PLEKHG1: variants seen among roughly 807,000 people sequenced by gnomAD.
PLEKHG1 encodes the protein pleckstrin homology and RhoGEF domain containing G1.
A neutral mutation model predicts 100.8 loss-of-function variants in PLEKHG1; 44 were observed. That is an observed-to-expected ratio of 0.44 (90% confidence interval 0.34 to 0.56). The LOEUF (loss-of-function observed/expected upper bound fraction) is 0.56. Among genes scored for constraint, PLEKHG1 ranks in the 20% least tolerant of loss-of-function variants. The pLI, the probability that PLEKHG1 is intolerant of heterozygous loss-of-function variation, is 0.01. For synonymous variants in PLEKHG1, 640 were observed against 662.5 expected (o/e 0.97, Z 0.52); for missense variants, 1,545 against 1,720.9 (o/e 0.90, Z 1.81).
chr6:150,713,474 C>T (rs746592225), intron 3 of PLEKHG1, among the ~76,000 whole-genome samples: 1 of 152,076 alleles, frequency 6.6e-6, no homozygotes, highest in Non-Finnish European at 1.5e-5. Flanking sequence ...ATATGGGCTC[C>T]CCTGAGATAA....
At chr6:150,670,424 G>A (rs1387543693) in intron 3 of PLEKHG1, among the ~76,000 whole-genome samples, 1 of 152,216 alleles carries the variant, frequency 6.6e-6, no homozygotes, top group East Asian at 1.9e-4. Context: ...GAGATGGAAG[G>A]CTAACCCAGA....
chr6:150,670,490 T>C (rs1371655633), intron 3 of PLEKHG1, among the ~76,000 whole-genome samples: 1 of 152,246 alleles, frequency 6.6e-6, no homozygotes, highest in Non-Finnish European at 1.5e-5. Context: ...AGCCGCAGCA[T>C]GCGCTACCAG....
Position 150,782,661 on chromosome 6 carries a change from G to C in PLEKHG1, c.513-3729G>C, listed in dbSNP as rs1340194929. On this transcript the variant is annotated intron_variant, in intron 3 of 15. Transcript: ENST00000358517. ...ACAGATAGAATGCAGAAGCAGATAG[G>C]ACAATCCAGCTATGTTCTATTAAGT... Among the ~76,000 whole-genome samples, 6 of 152,238 alleles carry C rather than the reference G, an allele frequency of 3.9e-5. No homozygotes were observed. In the East Asian group the frequency reaches 1.2e-3, roughly 29 times the overall value.
chr6:150,658,821 C>A (rs1045766054), intron 3 of PLEKHG1, among the ~76,000 whole-genome samples: 3 of 152,232 alleles, frequency 2.0e-5, no homozygotes, highest in Non-Finnish European at 4.4e-5. Flanking sequence ...CCAGCTGTCT[C>A]ATCTCTGCTT....
intron 3 of PLEKHG1, among the ~76,000 whole-genome samples, chr6:150,779,357 T>TTATTTTTTTTA (rs1785181040): frequency 6.8e-6 from 1 of 147,186 alleles, no homozygotes; most frequent in African/African-American, 2.6e-5. Flanking sequence ...TTTTTTTTTT[T>TTATTTTTTTTA]TTTTTTGAGA....
chr6:150,807,712 A>G (rs1213043846), intron 7 of PLEKHG1, among the ~76,000 whole-genome samples: 2 of 152,280 alleles, frequency 1.3e-5, no homozygotes, highest in East Asian at 1.9e-4. Flanking sequence ...CGGGGCTCAC[A>G]CCTATAATCC....
intron 12 of PLEKHG1, among the ~76,000 whole-genome samples, chr6:150,820,511 G>A (rs1255172640): frequency 6.6e-6 from 1 of 152,170 alleles, no homozygotes; most frequent in Non-Finnish European, 1.5e-5. Context: ...GACTAGGAAT[G>A]CAAGGATAAA....
chr6:150,750,780 C>CAAAAAAAAA (rs1158670858), intron 2 of PLEKHG1, among the ~76,000 whole-genome samples: 1 of 37,402 alleles, frequency 2.7e-5, no homozygotes, highest in African/African-American at 1.0e-4. Flanking sequence ...GACTCCATCT[C>CAAAAAAAAA]AAAAAAAAAA....
chr6:150,826,494 A>G (rs1776618679), intron 14 of PLEKHG1, among the ~76,000 whole-genome samples: 1 of 152,184 alleles, frequency 6.6e-6, no homozygotes, highest in Admixed American at 6.5e-5. Context: ...TCATTGTTAA[A>G]TAGCTCAAAT....
At chr6:150,710,490 C>T (rs766933599) in intron 3 of PLEKHG1, among the ~76,000 whole-genome samples, 5 of 152,058 alleles carry the variant, frequency 3.3e-5, no homozygotes, top group East Asian at 3.9e-4. Context: ...TCATGGTTAC[C>T]GCCCAAGCAG....
intron 1 of PLEKHG1, among the ~76,000 whole-genome samples, chr6:150,625,470 G>A (rs1777470475): frequency 6.6e-6 from 1 of 151,928 alleles, no homozygotes; most frequent in Non-Finnish European, 1.5e-5. Context: ...TCATCCTAAG[G>A]ACCTCATTTT....
At chr6:150,765,700 C>A (rs1424459805) in intron 2 of PLEKHG1, among the ~76,000 whole-genome samples, 2 of 152,058 alleles carry the variant, frequency 1.3e-5, no homozygotes, top group African/African-American at 2.4e-5. Context: ...TGGTGAGGGG[C>A]AAGTGTGTGT....
In PLEKHG1 at chr6:150,831,703, C is replaced by T. The variant is rs763906152; in HGVS notation, c.2592C>T (p.Ser864=). 1.2e-6 allele frequency: 2 copies of T among 1,612,968 alleles called. No individual in the cohort carries two copies. The highest frequency in any genetic ancestry group is 1.7e-6 in the Non-Finnish European group (2 of 1,180,040). ...GTCTCCTGGCAGCGTTTCCTGTGAG[C>T]AAGGATGATGTGCCAGACAGGCTGC... The change falls in exon 15 of 16, where the codon AGC becomes AGT. Residue 864 remains serine (S), a synonymous_variant. Transcript: ENST00000358517. The surrounding 1 kb of genome is among the most constrained non-coding windows in gnomAD (Gnocchi z 4.1).
intron 10 of PLEKHG1, among the ~76,000 whole-genome samples, chr6:150,817,584 G>A (rs1776048367): frequency 7.2e-6 from 1 of 139,162 alleles, no homozygotes; most frequent in Non-Finnish European, 1.5e-5. Context: ...TTGAGACGGA[G>A]TCTTGCTCTG....
At chr6:150,701,859 T>A (rs1401264225) in intron 3 of PLEKHG1, among the ~76,000 whole-genome samples, 1 of 152,098 alleles carries the variant, frequency 6.6e-6, no homozygotes, top group Non-Finnish European at 1.5e-5. Context: ...TATGAATGGG[T>A]GTCTTTTAGG....
intron 1 of PLEKHG1, among the ~76,000 whole-genome samples, chr6:150,627,943 G>T (rs182314339): frequency 2.6e-5 from 4 of 152,232 alleles, no homozygotes; most frequent in Non-Finnish European, 5.9e-5. Flanking sequence ...TATGCAGGGC[G>T]TTTTATGGGA....
intron 7 of PLEKHG1, among the ~76,000 whole-genome samples, chr6:150,805,515 A>G (rs1400718024): frequency 1.3e-5 from 2 of 150,058 alleles, no homozygotes; most frequent in African/African-American, 4.9e-5. Flanking sequence ...ACCCTCCAGC[A>G]TGTCATTTCG....
chr6:150,772,533 C>T (rs183677015), intron 3 of PLEKHG1, among the ~76,000 whole-genome samples: 3 of 152,130 alleles, frequency 2.0e-5, no homozygotes, highest in Non-Finnish European at 2.9e-5. Flanking sequence ...ACAGGAGGAT[C>T]GCTTGAGCCC....
intron 1 of PLEKHG1, among the ~76,000 whole-genome samples, chr6:150,618,193 T>G (rs1777147859): frequency 6.6e-6 from 1 of 152,244 alleles, no homozygotes; most frequent in African/African-American, 2.4e-5. Context: ...TTGTTTGATA[T>G]TTTCTTTTAC....
Sources: allele counts gnomAD v4.1 joint callset (sites outside exome capture counted in the v4.1 genomes callset), GRCh38; gene constraint gnomAD v4.1.1; non-coding constraint Gnocchi (gnomAD v3.1); transcripts MANE v1.5; gene names NCBI Gene and HGNC (gene_info 2026-07-23, HGNC 2026-07-21).